The following SHLD2 variants were observed in gnomAD, a reference collection of about 807,000 sequenced individuals.
SHLD2 encodes shieldin complex subunit 2.
Under a neutral mutation model 73.2 loss-of-function variants are expected in SHLD2, and 30 were observed. The observed-to-expected ratio is 0.41, with a 90% confidence interval of 0.31 to 0.56. The LOEUF is 0.56. Ranked by LOEUF, SHLD2 falls within the 20% of genes least tolerant of loss-of-function variation. The pLI, the probability that SHLD2 is intolerant of heterozygous loss-of-function variation, is 0.28. For synonymous variants in SHLD2, 285 were observed against 370.1 expected (o/e 0.77, Z 2.64); for missense variants, 745 against 1,055.9 (o/e 0.71, Z 4.08).
intron 4 of SHLD2, among the ~76,000 whole-genome samples, chr10:87,162,356 C>T (rs1846879484): frequency 6.6e-6 from 1 of 152,140 alleles, no homozygotes; most frequent in African/African-American, 2.4e-5. Context: ...TTGTAACATA[C>T]AACAAAAGGC....
At chr10:87,124,826 C>T (rs1439215224) in intron 2 of SHLD2, among the ~76,000 whole-genome samples, 1 of 150,516 alleles carries the variant, frequency 6.6e-6, no homozygotes, top group African/African-American at 2.4e-5. Context: ...CTCACGGCAG[C>T]CTGAACCTCC....
chr10:87,123,457 C>T (rs1487580639), intron 2 of SHLD2, among the ~76,000 whole-genome samples: 1 of 151,816 alleles, frequency 6.6e-6, no homozygotes, highest in Non-Finnish European at 1.5e-5. Context: ...GTGCATGCCT[C>T]GCTAAGTTTT....
chr10:87,127,867 G>A lies in SHLD2; in HGVS notation c.-5-23483G>A, dbSNP rs532747816. 2.1e-3 allele frequency among the ~76,000 whole-genome samples: 316 copies of A among 152,048 alleles called. 1 individual carries two copies. Among genetic ancestry groups the A allele is most frequent in the Non-Finnish European group, 2.4e-3 (164 of 67,982 alleles). ...GCACAGAAACCCAAGGATTTCTGCC[G>A]TCAGTGTCATGCATTTGGCTGGAGT... is the stretch of plus-strand genomic sequence containing the variant. On this transcript the variant is annotated intron_variant, in intron 2 of 9. Coordinates refer to ENST00000298786, the MANE Select transcript of SHLD2 (RefSeq NM_001330112.2).
At chr10:87,102,207 A>G (rs1353502279) in intron 2 of SHLD2, among the ~76,000 whole-genome samples, 2 of 152,202 alleles carry the variant, frequency 1.3e-5, no homozygotes, top group Non-Finnish European at 2.9e-5. Flanking sequence ...TAGATAACCT[A>G]TTACAAAGAA....
intron 2 of SHLD2, among the ~76,000 whole-genome samples, chr10:87,124,152 A>G (rs1173459028): frequency 1.3e-5 from 2 of 152,220 alleles, no homozygotes; most frequent in East Asian, 1.9e-4. Flanking sequence ...TGACAGGAGT[A>G]GATATAACTA....
chr10:87,159,171 T>C (rs1564604670), intron 4 of SHLD2, among the ~76,000 whole-genome samples: 2 of 152,212 alleles, frequency 1.3e-5, no homozygotes, highest in Non-Finnish European at 2.9e-5. Flanking sequence ...AGATAGAGCA[T>C]GGAATTCCAA....
chr10:87,096,471 T>A (rs1027519404), intron 1 of SHLD2, among the ~76,000 whole-genome samples: 1 of 151,326 alleles, frequency 6.6e-6, no homozygotes, highest in Non-Finnish European at 1.5e-5. Context: ...CTAACGAGGC[T>A]GGCACGGTGG....
intron 7 of SHLD2, among the ~76,000 whole-genome samples, chr10:87,179,568 A>AT (rs1272396096): frequency 6.6e-6 from 1 of 151,996 alleles, no homozygotes; most frequent in African/African-American, 2.4e-5. Context: ...CGCCTGGCTA[A>AT]TTTTTTGTAT....
chr10:87,106,648 C>T (rs1842615293), intron 2 of SHLD2, among the ~76,000 whole-genome samples: 1 of 152,174 alleles, frequency 6.6e-6, no homozygotes, highest in Admixed American at 6.6e-5. Flanking sequence ...GAAGACAGAA[C>T]AGAAATCCAT....
intron 2 of SHLD2, among the ~76,000 whole-genome samples, chr10:87,117,142 G>T (rs931747558): frequency 6.6e-6 from 1 of 152,204 alleles, no homozygotes; most frequent in African/African-American, 2.4e-5. Flanking sequence ...AGCTGCGGCC[G>T]GGCAAGGTGG....
chr10:87,172,742 ATAAGT>A (rs1847676512), intron 6 of SHLD2, among the ~76,000 whole-genome samples: 1 of 151,944 alleles, frequency 6.6e-6, no homozygotes, highest in Non-Finnish European at 1.5e-5. Context: ...TTATGTTTAT[ATAAGT>A]TAATACATAA....
chr10:87,108,230 G>A (rs1842721270), intron 2 of SHLD2, among the ~76,000 whole-genome samples: 1 of 152,120 alleles, frequency 6.6e-6, no homozygotes. Flanking sequence ...TGTGTTTTTA[G>A]TAGAGGCGAG....
chr10:87,172,648 C>T (rs1375984848), intron 6 of SHLD2, among the ~76,000 whole-genome samples: 3 of 151,134 alleles, frequency 2.0e-5, no homozygotes, highest in Non-Finnish European at 4.4e-5. Flanking sequence ...TTCAAGTTCT[C>T]ATCTTAAAAA....
intron 6 of SHLD2, among the ~76,000 whole-genome samples, chr10:87,175,501 T>A (rs1847897377): frequency 6.6e-6 from 1 of 151,800 alleles, no homozygotes; most frequent in Non-Finnish European, 1.5e-5. Flanking sequence ...CTGACCAACA[T>A]GGTGAAACCC....
chr10:87,121,727 A>C (rs1843633115), intron 2 of SHLD2, among the ~76,000 whole-genome samples: 1 of 151,408 alleles, frequency 6.6e-6, no homozygotes, highest in Admixed American at 6.6e-5. Context: ...CTTTGCCTGT[A>C]ATCAGGTTCA....
Position 87,152,107 on chromosome 10 carries a change from T to A in SHLD2, c.753T>A (p.Val251=). Residue 251 remains valine (V), a synonymous_variant, in exon 3 of 10, where the codon GTT becomes GTA. Coordinates refer to ENST00000298786, the MANE Select transcript of SHLD2 (RefSeq NM_001330112.2). ...EFLSIITSSQ[V]AFLAQKKDKR... is the part of the protein sequence containing the mutation. The stretch of plus-strand genomic sequence containing the variant: ...TCAGTATAATTACCTCCAGCCAGGT[T>A]GCTTTTTTAGCTCAAAAGAAAGATA... The A allele has an allele frequency of 6.2e-7, 1 of 1,612,008 alleles. No homozygotes were observed.
chr10:87,187,789 G>A (rs1170357904), intron 9 of SHLD2, among the ~76,000 whole-genome samples: 2 of 152,136 alleles, frequency 1.3e-5, no homozygotes, highest in Non-Finnish European at 2.9e-5. Flanking sequence ...AAGTAGAACA[G>A]TACAAACTGA....
intron 8 of SHLD2, among the ~76,000 whole-genome samples, chr10:87,182,104 A>G (rs3129435): frequency 9.0e-4 from 137 of 152,334 alleles, no homozygotes; most frequent in African/African-American, 3.0e-3. Flanking sequence ...TCCAGATTAT[A>G]TGGTTTCCTT....
chr10:87,107,794 A>G (rs565015652), intron 2 of SHLD2, among the ~76,000 whole-genome samples: 20 of 152,354 alleles, frequency 1.3e-4, no homozygotes, highest in Non-Finnish European at 2.9e-4. Context: ...TATAGTAGGC[A>G]TAAATTTTGT....
Sources: allele counts gnomAD v4.1 joint callset (sites outside exome capture counted in the v4.1 genomes callset), GRCh38; gene constraint gnomAD v4.1.1; transcripts MANE v1.5; gene names NCBI Gene and HGNC (gene_info 2026-07-23, HGNC 2026-07-21).